Variants in PCDHGA5 observed in about 807,000 individuals in gnomAD.
PCDHGA5 encodes protocadherin gamma-A5.
A neutral mutation model predicts 56.7 loss-of-function variants in PCDHGA5; 36 were observed. The ratio of observed to expected loss-of-function variants is 0.64; its 90% CI spans 0.49 to 0.84. The LOEUF (loss-of-function observed/expected upper bound fraction) is 0.84. PCDHGA5 is among the 40% of genes least tolerant of loss of function. The pLI is 0.00. For synonymous variants in PCDHGA5, 563 were observed against 520.2 expected (o/e 1.08, Z -1.12); for missense variants, 1,305 against 1,201.5 (o/e 1.09, Z -1.27).
chr5:141,394,358 T>C (rs535265859), intron 1 of PCDHGA5: 13 of 1,614,188 alleles, frequency 8.1e-6, no homozygotes, highest in Middle Eastern at 1.6e-4. Flanking sequence ...GTGTCCTGTA[T>C]GCGCTGCAAT....
chr5:141,463,097 C>A (rs1333118215), intron 1 of PCDHGA5, among the ~76,000 whole-genome samples: 2 of 152,152 alleles, frequency 1.3e-5, no homozygotes, highest in East Asian at 3.8e-4. Context: ...CCCTATGTGA[C>A]CATCAAGAAT....
chr5:141,465,273 G>A (rs949271610), intron 1 of PCDHGA5, among the ~76,000 whole-genome samples: 1 of 152,068 alleles, frequency 6.6e-6, no homozygotes, highest in Non-Finnish European at 1.5e-5. Context: ...TAGCCATTTA[G>A]TTCACCCCTA....
chr5:141,400,657 T>G (rs2094057580), intron 1 of PCDHGA5: 1 of 1,081,498 alleles, frequency 9.2e-7, no homozygotes, highest in African/African-American at 1.6e-5. Context: ...TGTCCTACCA[T>G]TCTTTAAGAG....
chr5:141,404,157 A>G (rs746450194), intron 1 of PCDHGA5: 12 of 1,613,094 alleles, frequency 7.4e-6, no homozygotes, highest in Non-Finnish European at 5.9e-6. Flanking sequence ...GAAGATTATT[A>G]CAGATTGTTG....
intron 1 of PCDHGA5, chr5:141,423,184 C>T (rs747938944): frequency 9.3e-6 from 15 of 1,613,442 alleles, no homozygotes; most frequent in Non-Finnish European, 1.2e-5. Context: ...CCACGGCCAG[C>T]CCCCTCTCTC....
At chr5:141,415,176 C>A in intron 1 of PCDHGA5, 2 of 1,613,934 alleles carry the variant, frequency 1.2e-6, no homozygotes, top group Non-Finnish European at 1.7e-6. Context: ...TCACCGTGGC[C>A]GTGGCCGACA....
intron 1 of PCDHGA5, among the ~76,000 whole-genome samples, chr5:141,438,872 G>T (rs13178044): frequency 0.11 from 16,734 of 151,118 alleles, 1,094 homozygotes; most frequent in African/African-American, 0.17. Flanking sequence ...CATCAAGTTG[G>T]CCAGGCTGCT....
intron 1 of PCDHGA5, among the ~76,000 whole-genome samples, chr5:141,472,409 C>T (rs2099279484): frequency 6.6e-6 from 1 of 152,016 alleles, no homozygotes; most frequent in South Asian, 2.1e-4. Flanking sequence ...GGCGTGGTGG[C>T]ACGCACCTGT....
At chr5:141,510,366 T>A (rs1452829030) in intron 3 of PCDHGA5, among the ~76,000 whole-genome samples, 1 of 140,062 alleles carries the variant, frequency 7.1e-6, no homozygotes, top group Non-Finnish European at 1.6e-5. Context: ...AACTACCGAA[T>A]CTCTACTCGT....
intron 2 of PCDHGA5, among the ~76,000 whole-genome samples, chr5:141,498,338 G>T (rs2237079): frequency 2.6e-5 from 4 of 151,600 alleles, no homozygotes; most frequent in Non-Finnish European, 5.9e-5. Flanking sequence ...CATTCCAAAT[G>T]GGAAAAGCCT....
intron 1 of PCDHGA5, among the ~76,000 whole-genome samples, chr5:141,406,686 T>G (rs918855962): frequency 1.3e-5 from 2 of 152,244 alleles, no homozygotes; most frequent in African/African-American, 4.8e-5. Flanking sequence ...TAGGACATTC[T>G]TCTTTTCTAT....
At chr5:141,506,487 G>A (rs1265051912) in intron 3 of PCDHGA5, among the ~76,000 whole-genome samples, 3 of 150,464 alleles carry the variant, frequency 2.0e-5, no homozygotes, top group Non-Finnish European at 4.4e-5. Flanking sequence ...TTAGAGGCAG[G>A]CCAATCTGGA....
chr5:141,428,056 C>T (rs2097104330), intron 1 of PCDHGA5: 3 of 1,609,000 alleles, frequency 1.9e-6, no homozygotes, highest in African/African-American at 1.3e-5. Flanking sequence ...AAGGTGGTGG[C>T]GGTGGACGCA....
At chr5:141,410,818 T>C (rs567397835) in intron 1 of PCDHGA5, 1 of 556,016 alleles carries the variant, frequency 1.8e-6, no homozygotes, top group African/African-American at 2.1e-5. Context: ...TGTAAAATAA[T>C]GTCACCAGAC....
At chr5:141,393,890 T>C (rs1207998765) in intron 1 of PCDHGA5, 2 of 1,613,958 alleles carry the variant, frequency 1.2e-6, no homozygotes, top group South Asian at 2.2e-5. Flanking sequence ...TGTTAGAAAA[T>C]TCTCTTCCCG....
rs2096144450 is a variant in PCDHGA5 at position 141,417,665 on chromosome 5, T to C, written c.2421+50914T>C. On this transcript the variant is annotated intron_variant, in intron 1 of 3. Coordinates refer to ENST00000518069, the MANE Select transcript of PCDHGA5 (RefSeq NM_018918.3). ...CCTCAGCCTCTAGCCTGGGATTCCCTGCGCAGCCAACAACAGAAAAGAAAA... is the reference window on the plus strand; with the variant it reads ...CCTCAGCCTCTAGCCTGGGATTCCCCGCGCAGCCAACAACAGAAAAGAAAA... 3.3e-6 allele frequency: 3 copies of C among 915,730 alleles called. No individual in the cohort carries two copies. In the South Asian group the frequency reaches 5.8e-5, roughly 18 times the overall value. 56.7% of individuals were successfully genotyped at this position (915,730 alleles called of 1,614,324 possible).
intron 1 of PCDHGA5, among the ~76,000 whole-genome samples, chr5:141,460,653 G>A (rs10058370): frequency 0.17 from 25,559 of 151,914 alleles, 2,196 homozygotes; most frequent in South Asian, 0.22. Flanking sequence ...TTACACATAT[G>A]TAACTGTAAA....
intron 1 of PCDHGA5, among the ~76,000 whole-genome samples, chr5:141,382,367 C>T (rs778668401): frequency 8.6e-5 from 13 of 151,894 alleles, no homozygotes; most frequent in African/African-American, 3.1e-4. Flanking sequence ...TAAAATTTAC[C>T]TTTTTGCCTT....
At chr5:141,374,580 C>T (rs745902303) in intron 1 of PCDHGA5, 1 of 1,613,706 alleles carries the variant, frequency 6.2e-7, no homozygotes, top group Non-Finnish European at 8.5e-7. Context: ...GGAATGAACT[C>T]CCTTCAGGGA....
Sources: gnomAD v4.1 joint callset for allele counts (sites outside exome capture counted in the v4.1 genomes callset) on GRCh38, gnomAD v4.1.1 for gene constraint, MANE v1.5 for transcripts, NCBI Gene and HGNC (gene_info 2026-07-23, HGNC 2026-07-21) for gene names.